Variants in MCC observed in about 807,000 individuals in gnomAD.
MCC encodes colorectal mutant cancer protein.
A neutral mutation model predicts 116.2 loss-of-function variants in MCC; 90 were observed. The ratio of observed to expected loss-of-function variants is 0.77; its 90% confidence interval spans 0.65 to 0.92. The LOEUF is 0.92. Among genes scored for constraint, MCC ranks in the 40% least tolerant of loss-of-function variants. MCC has a pLI of 0.00. For synonymous variants in MCC, 578 were observed against 510.5 expected (o/e 1.13, Z -1.78); for missense variants, 1,516 against 1,312.2 (o/e 1.16, Z -2.40).
intron 1 of MCC, among the ~76,000 whole-genome samples, chr5:113,402,101 T>G (rs1397327468): frequency 1.3e-5 from 2 of 151,770 alleles, no homozygotes; most frequent in African/African-American, 4.8e-5. Flanking sequence ...AAGACCACCC[T>G]GGCTAACACG....
chr5:113,413,359 T>C (rs255868), intron 1 of MCC, among the ~76,000 whole-genome samples: 43,213 of 151,950 alleles, frequency 0.28, 8,783 homozygotes, highest in African/African-American at 0.57. Context: ...CCAGCTCCTC[T>C]TTGTACCTCT....
At chr5:113,460,543 A>T (rs1771715394) in intron 1 of MCC, among the ~76,000 whole-genome samples, 1 of 152,164 alleles carries the variant, frequency 6.6e-6, no homozygotes, top group South Asian at 2.1e-4. Flanking sequence ...ATTTCTCCCC[A>T]TTACAAGCTG....
In MCC at chr5:113,111,597, A is replaced by G. The variant is rs532714238; in HGVS notation, c.1028-7242T>C. Among the ~76,000 whole-genome samples, 36 of 152,380 alleles carry G rather than the reference A, an allele frequency of 2.4e-4. 1 individual carries two copies. In the South Asian group the frequency reaches 7.2e-3, roughly 31 times the overall value. On this transcript the variant is annotated intron_variant, in intron 6 of 18. Transcript: ENST00000408903. ...CAAGTTTATTCCCACATTTAATATT[A>G]GAAGTGCTTTGGGTCTCTATTTAGA... is the stretch of plus-strand genomic sequence containing the variant.
At chr5:113,035,021 C>T (rs192804083) in intron 17 of MCC, among the ~76,000 whole-genome samples, 1 of 152,294 alleles carries the variant, frequency 6.6e-6, no homozygotes, top group Admixed American at 6.5e-5. Flanking sequence ...AAAACTTCCA[C>T]ACTCTTAATC....
At chr5:113,161,602 A>T (rs1760487263) in intron 3 of MCC, among the ~76,000 whole-genome samples, 1 of 151,014 alleles carries the variant, frequency 6.6e-6, no homozygotes, top group African/African-American at 2.5e-5. Context: ...TTGGGAAAGC[A>T]AATGGAGGTT....
chr5:113,247,818 A>G (rs1764633458), intron 3 of MCC, among the ~76,000 whole-genome samples: 1 of 152,142 alleles, frequency 6.6e-6, no homozygotes, highest in South Asian at 2.1e-4. Context: ...CCATAACCAG[A>G]GGGAGGGATG....
At chr5:113,072,074 T>G (rs971014218) in intron 11 of MCC, among the ~76,000 whole-genome samples, 4 of 152,224 alleles carry the variant, frequency 2.6e-5, no homozygotes, top group Admixed American at 6.5e-5. Context: ...GTTTTCCATC[T>G]CAGGGTACAG....
chr5:113,480,864 T>A (rs1772360645), intron 1 of MCC, among the ~76,000 whole-genome samples: 1 of 152,122 alleles, frequency 6.6e-6, no homozygotes, highest in Non-Finnish European at 1.5e-5. Flanking sequence ...AGCCTTGACC[T>A]CCCAGGCTCA....
chr5:113,208,493 G>T (rs954130232), intron 3 of MCC, among the ~76,000 whole-genome samples: 7 of 152,088 alleles, frequency 4.6e-5, no homozygotes, highest in Non-Finnish European at 8.8e-5. Flanking sequence ...GTAGGACCAG[G>T]TCCTCTGGGT....
rs545784148 is a variant in MCC, at chr5:113,361,233, G to C, written c.416-20503C>G. 9.0e-5 allele frequency among the ~76,000 whole-genome samples: 13 copies of C among 144,502 alleles called. No homozygotes were observed. In the East Asian group the frequency reaches 2.5e-3, roughly 28 times the overall value. 94.8% of individuals were successfully genotyped at this position (144,502 alleles called of 152,430 possible). On this transcript the variant is annotated intron_variant, in intron 2 of 18. Transcript: ENST00000408903. ...TTTTTTTTACTTAACATTCTTGCCA[G>C]GAAGTTATCAATTTCATAAATCTTT...
rs1306943282 is a variant in MCC at position 113,450,962 on chromosome 5, CT to C, written c.170+37282del. Among the ~76,000 whole-genome samples the C allele has an allele frequency of 2.6e-5, 4 of 152,126 alleles. No individual in the cohort carries two copies. The South Asian group carries it at 6.2e-4, about 24-fold the overall frequency. On this transcript the variant is annotated intron_variant, in intron 1 of 18. Coordinates refer to ENST00000408903, the MANE Select transcript of MCC (RefSeq NM_001085377.2). Reference sequence around the variant, plus strand: ...CTTTCTGAAGACAGCCCCTACCCTCCTTTTTTTTCACCCCCATTCTCTCTCT... The same window carrying C: ...CTTTCTGAAGACAGCCCCTACCCTCCTTTTTTTCACCCCCATTCTCTCTCT...
At chr5:113,253,110 C>T (rs1764863540) in intron 3 of MCC, among the ~76,000 whole-genome samples, 1 of 152,186 alleles carries the variant, frequency 6.6e-6, no homozygotes, top group Admixed American at 6.5e-5. Context: ...CACTGGGGCA[C>T]ATAAATGGAC....
chr5:113,421,846 G>C (rs991741593), intron 1 of MCC, among the ~76,000 whole-genome samples: 3 of 152,152 alleles, frequency 2.0e-5, no homozygotes, highest in Admixed American at 1.3e-4. Flanking sequence ...CCTTGAAATA[G>C]TCAATTTCCT....
In MCC at chr5:113,354,133, C is replaced by T. The variant is rs190677089; in HGVS notation, c.416-13403G>A. On this transcript the variant is annotated intron_variant, in intron 2 of 18. Coordinates refer to ENST00000408903, the MANE Select transcript of MCC (RefSeq NM_001085377.2). ...TGCCATCCAAGGGTCAGCAAGGCCT[C>T]TGCTCATTGTAATCACTCAGCACTA... is the stretch of plus-strand genomic sequence containing the variant. 2.0e-5 allele frequency among the ~76,000 whole-genome samples: 3 copies of T among 152,296 alleles called. No homozygotes were observed. The East Asian group carries it at 5.8e-4, about 29-fold the overall frequency.
chr5:113,375,509 G>T (rs1267629397), intron 2 of MCC, among the ~76,000 whole-genome samples: 1 of 152,150 alleles, frequency 6.6e-6, no homozygotes. Flanking sequence ...CGTGATTCTG[G>T]GGGTCAACAA....
At chr5:113,091,657 AG>A (rs1755652507) in intron 8 of MCC, among the ~76,000 whole-genome samples, 2 of 152,146 alleles carry the variant, frequency 1.3e-5, no homozygotes, top group African/African-American at 4.8e-5. Flanking sequence ...CAAGGTGGGA[AG>A]GTTGCTTGAC....
chr5:113,094,727 C>T (rs931632006), intron 8 of MCC, among the ~76,000 whole-genome samples: 1 of 152,190 alleles, frequency 6.6e-6, no homozygotes, highest in Non-Finnish European at 1.5e-5. Flanking sequence ...GCCAATGTTC[C>T]TAATTTCTTA....
chr5:113,287,268 T>C (rs938980316), intron 3 of MCC, among the ~76,000 whole-genome samples: 9 of 152,208 alleles, frequency 5.9e-5, no homozygotes, highest in Non-Finnish European at 1.0e-4. Flanking sequence ...TGGCTTAAAA[T>C]ATAATTTTCA....
intron 16 of MCC, among the ~76,000 whole-genome samples, chr5:113,045,440 C>T (rs1752004201): frequency 6.6e-6 from 1 of 152,036 alleles, no homozygotes; most frequent in African/African-American, 2.4e-5. Context: ...TTTAAAAAGT[C>T]AAAAGAAGAG....
Sources: allele counts gnomAD v4.1 joint callset (sites outside exome capture counted in the v4.1 genomes callset), GRCh38; gene constraint gnomAD v4.1.1; transcripts MANE v1.5; gene names NCBI Gene and HGNC (gene_info 2026-07-23, HGNC 2026-07-21).